The following RBM33 variants were observed in gnomAD, a reference collection of about 807,000 sequenced individuals.
The protein encoded by RBM33 is RNA-binding protein 33.
RBM33 carries 28 observed loss-of-function variants against 132.6 expected under a neutral mutation model. The observed-to-expected ratio is 0.21, with a 90% CI of 0.16 to 0.29. RBM33 has a LOEUF of 0.29. RBM33 is among the 10% of genes least tolerant of loss of function. The probability of loss-of-function intolerance (pLI) is 1.00; values close to 1 mark genes in which losing one functional copy is unlikely to be tolerated. For synonymous variants in RBM33, 634 were observed against 593.0 expected, an observed-to-expected ratio of 1.07 and a Z score of -1.01; for missense variants, 1,291 against 1,518.5, an observed-to-expected ratio of 0.85 and a Z score of 2.49.
At chr7:155,716,269 G>T (rs1333150242) in intron 8 of RBM33, among the ~76,000 whole-genome samples, 2 of 138,304 alleles carry the variant, frequency 1.4e-5, no homozygotes, top group East Asian at 4.6e-4. Context: ...GGACTGGACT[G>T]TCCGCACGCA....
intron 16 of RBM33, among the ~76,000 whole-genome samples, chr7:155,769,932 C>T (rs987717601): frequency 2.0e-5 from 3 of 152,130 alleles, no homozygotes; most frequent in South Asian, 2.1e-4. Context: ...TCTGAGAACA[C>T]GGTTGTTAAT....
intron 5 of RBM33, among the ~76,000 whole-genome samples, chr7:155,684,486 A>G (rs1585434614): frequency 6.6e-6 from 1 of 152,336 alleles, no homozygotes; most frequent in South Asian, 2.1e-4. Context: ...ATGGAGAAAC[A>G]TACTAATCAC....
chr7:155,757,744 G>A (rs998086165), intron 14 of RBM33, among the ~76,000 whole-genome samples: 4 of 152,072 alleles, frequency 2.6e-5, no homozygotes, highest in Non-Finnish European at 5.9e-5. Context: ...ATTGGCCCAG[G>A]GTTCTGCAGG....
At chr7:155,673,939 AG>A (rs1799082308) in intron 3 of RBM33, among the ~76,000 whole-genome samples, 1 of 14,346 alleles carries the variant, frequency 7.0e-5, no homozygotes, top group Non-Finnish European at 1.5e-4. Flanking sequence ...GTTTAGGCTT[AG>A]TTTTTTTTTT....
rs118059604 is a variant in RBM33 at position 155,726,133 on chromosome 7, T to C, written c.1260+7690T>C. Among the ~76,000 whole-genome samples, 723 of 152,322 alleles carry C rather than the reference T, an allele frequency of 4.7e-3. 5 individuals are homozygous for C. The highest frequency in any genetic ancestry group is 0.02 in the Middle Eastern group (6 of 294). On this transcript the variant is annotated intron_variant, in intron 9 of 17. Transcript: ENST00000401878. Reference sequence around the variant, plus strand: ...GGTTTCTTATATCGTTCTTTGTATTTCAAGTGGGATTAATAAAGGAAAACA... The same window carrying C: ...GGTTTCTTATATCGTTCTTTGTATTCCAAGTGGGATTAATAAAGGAAAACA...
At chr7:155,652,678 A>G (rs540455590) in intron 1 of RBM33, among the ~76,000 whole-genome samples, 2 of 152,318 alleles carry the variant, frequency 1.3e-5, no homozygotes, top group Middle Eastern at 3.4e-3. Context: ...GTCTTGTACA[A>G]TGTTTAGGCC....
At chr7:155,707,851 G>T (rs1266959380) in intron 7 of RBM33, among the ~76,000 whole-genome samples, 1 of 152,098 alleles carries the variant, frequency 6.6e-6, no homozygotes, top group Non-Finnish European at 1.5e-5. Context: ...GTAGAGACTG[G>T]GTTTCACCAT....
chr7:155,696,606 A>G lies in RBM33; in HGVS notation c.568-4167A>G, dbSNP rs76461625. Among the ~76,000 whole-genome samples, 1,064 of 152,306 alleles carry G rather than the reference A, an allele frequency of 7.0e-3. 17 individuals are homozygous for G. Among genetic ancestry groups the G allele is most frequent in the African/African-American group, 0.024 (1,000 of 41,560 alleles). ...GCTGGGATTTTCTTAAAAATCAGAA[A>G]TGGGTATTGAATTTTGTTGATGCTT... On this transcript the variant is annotated intron_variant, in intron 5 of 17. Transcript: ENST00000401878.
intron 5 of RBM33, among the ~76,000 whole-genome samples, chr7:155,699,883 G>A (rs765516581): frequency 5.9e-5 from 9 of 152,078 alleles, no homozygotes; most frequent in Non-Finnish European, 1.0e-4. Context: ...CAAATCATGA[G>A]ACTAAAGGAG....
chr7:155,763,048 G>A (rs1802088597), intron 14 of RBM33, among the ~76,000 whole-genome samples: 1 of 152,242 alleles, frequency 6.6e-6, no homozygotes, highest in Non-Finnish European at 1.5e-5. Context: ...CATTGGTGGT[G>A]CAGTTCCAAG....
Position 155,698,682 on chromosome 7 carries a change from T to G in RBM33, c.568-2091T>G, listed in dbSNP as rs533878010. The stretch of plus-strand genomic sequence containing the variant: ...AAAAATATTCCTTGTGCTATCCTTT[T>G]GTGGCCATACCTTTCCTTCTTTCCT... On this transcript the variant is annotated intron_variant, in intron 5 of 17. Coordinates refer to ENST00000401878, the MANE Select transcript of RBM33 (RefSeq NM_053043.3). Among the ~76,000 whole-genome samples, 12 of 152,360 alleles carry G rather than the reference T, an allele frequency of 7.9e-5. No individual in the cohort carries two copies. In the South Asian group the frequency reaches 2.5e-3, roughly 32 times the overall value.
At chr7:155,679,191 AC>A (rs1799270010) in intron 4 of RBM33, among the ~76,000 whole-genome samples, 2 of 152,074 alleles carry the variant, frequency 1.3e-5, no homozygotes, top group South Asian at 4.1e-4. Context: ...AAAACAAAAA[AC>A]AAAAAATCAG....
At chr7:155,738,647 T>C (rs1801211875) in intron 11 of RBM33, 3 of 532,928 alleles carry the variant, frequency 5.6e-6, no homozygotes, top group Non-Finnish European at 9.9e-6. Context: ...TTATAATTGT[T>C]TAAAGGGTAT....
chr7:155,667,375 A>G (rs1798827450), intron 2 of RBM33, among the ~76,000 whole-genome samples: 1 of 151,924 alleles, frequency 6.6e-6, no homozygotes, highest in Non-Finnish European at 1.5e-5. Context: ...GGCCTCCCAG[A>G]GTGCTGGGAT....
intron 13 of RBM33, among the ~76,000 whole-genome samples, chr7:155,743,721 C>G (rs756198301): frequency 6.6e-6 from 1 of 152,130 alleles, no homozygotes; most frequent in African/African-American, 2.4e-5. Flanking sequence ...GAGGTCTTTT[C>G]AAGTATTTCA....
intron 1 of RBM33, among the ~76,000 whole-genome samples, chr7:155,652,242 T>G (rs1315691624): frequency 6.6e-6 from 1 of 152,214 alleles, no homozygotes; most frequent in African/African-American, 2.4e-5. Flanking sequence ...AAGGGTCAGA[T>G]AGTAAATATT....
At chr7:155,673,347 G>A (rs1178052201) in intron 3 of RBM33, among the ~76,000 whole-genome samples, 1 of 150,460 alleles carries the variant, frequency 6.6e-6, no homozygotes, top group Non-Finnish European at 1.5e-5. Flanking sequence ...ACCTAATGTA[G>A]GTTTTTCTAA....
chr7:155,708,419 G>A (rs777750691), intron 7 of RBM33, among the ~76,000 whole-genome samples: 7 of 152,076 alleles, frequency 4.6e-5, no homozygotes, highest in South Asian at 2.1e-4. Flanking sequence ...GGCCTCTTTC[G>A]GGGCCAAACA....
chr7:155,715,365 G>T (rs925233333), intron 8 of RBM33, among the ~76,000 whole-genome samples: 1 of 152,174 alleles, frequency 6.6e-6, no homozygotes, highest in Non-Finnish European at 1.5e-5. Flanking sequence ...CTGGCAGCTG[G>T]TAATACGTAC....
Sources: gnomAD v4.1 joint callset for allele counts (sites outside exome capture counted in the v4.1 genomes callset) on GRCh38, gnomAD v4.1.1 for gene constraint, MANE v1.5 for transcripts, NCBI Gene and HGNC (gene_info 2026-07-23, HGNC 2026-07-21) for gene names.